The following CYSLTR2 variants were observed in gnomAD, a reference collection of about 807,000 sequenced individuals.
The protein encoded by CYSLTR2 is G-protein coupled receptor GPCR21.
For synonymous variants in CYSLTR2, 179 were observed against 160.8 expected, an observed-to-expected ratio of 1.11 and a Z score of -0.86; for missense variants, 398 against 411.9, an observed-to-expected ratio of 0.97 and a Z score of 0.29.
intron 4 of CYSLTR2, among the ~76,000 whole-genome samples, chr13:48,706,304 C>G (rs1214372190): frequency 6.6e-6 from 1 of 152,168 alleles, no homozygotes. Context: ...CCTAGTCATT[C>G]TTTTAAGATA....
chr13:48,698,240 T>C (rs1301536190), intron 4 of CYSLTR2, among the ~76,000 whole-genome samples: 5 of 151,808 alleles, frequency 3.3e-5, no homozygotes, highest in Non-Finnish European at 7.4e-5. Flanking sequence ...AAAGTTGAAA[T>C]GAAGGAAAAA....
At chr13:48,662,231 C>T (rs2138815118) in intron 1 of CYSLTR2, among the ~76,000 whole-genome samples, 1 of 152,250 alleles carries the variant, frequency 6.6e-6, no homozygotes, top group East Asian at 1.9e-4. Context: ...TGTATATATA[C>T]CACATTTTCT....
intron 2 of CYSLTR2, among the ~76,000 whole-genome samples, chr13:48,692,702 G>A (rs527453174): frequency 6.6e-6 from 1 of 151,158 alleles, no homozygotes; most frequent in South Asian, 2.1e-4. Flanking sequence ...TTTAATCAAA[G>A]TAATCAACCT....
At position 48,653,969 on chromosome 13, in the gene CYSLTR2, G is replaced by A. The variant is rs1386637725; in HGVS notation, c.-314G>A. On this transcript the variant is annotated 5_prime_UTR_variant, in exon 1 of 5. Transcript: ENST00000682523. Reference sequence around the variant, plus strand: ...AATTACTCGGAGGAGAAAGGCAGGAGAGATAGAGGCAGCAGAAGCCAGGGC... The same window carrying A: ...AATTACTCGGAGGAGAAAGGCAGGAAAGATAGAGGCAGCAGAAGCCAGGGC... The A allele has an allele frequency of 1.3e-5, 2 of 152,216 alleles. No individual in the cohort carries two copies. The highest frequency in any genetic ancestry group is 4.8e-5 in the African/African-American group (2 of 41,436). 9.4% of individuals were successfully genotyped at this position (152,216 alleles called of 1,614,324 possible). A position where few individuals can be genotyped will look rare whatever the true frequency, so the allele number is the denominator to read the frequency against.
intron 1 of CYSLTR2, among the ~76,000 whole-genome samples, chr13:48,670,600 T>C (rs1383298814): frequency 1.3e-5 from 2 of 152,214 alleles, no homozygotes; most frequent in African/African-American, 4.8e-5. Context: ...ATGTGTGGTG[T>C]TATTTCTGAG....
intron 1 of CYSLTR2, among the ~76,000 whole-genome samples, chr13:48,676,659 T>A (rs1480070912): frequency 6.6e-6 from 1 of 152,174 alleles, no homozygotes; most frequent in Non-Finnish European, 1.5e-5. Flanking sequence ...TTTGAGGAGA[T>A]GGATAAATTC....
chr13:48,704,126 C>T (rs777761898), intron 4 of CYSLTR2, among the ~76,000 whole-genome samples: 3 of 151,662 alleles, frequency 2.0e-5, no homozygotes, highest in African/African-American at 7.3e-5. Flanking sequence ...ACTTTTTTTT[C>T]GTACCTCTTG....
intron 2 of CYSLTR2, among the ~76,000 whole-genome samples, chr13:48,691,927 T>C (rs1358208536): frequency 6.6e-6 from 1 of 151,998 alleles, no homozygotes; most frequent in Non-Finnish European, 1.5e-5. Context: ...TAATTTTAAA[T>C]TAATTTAAAT....
chr13:48,697,768 G>GA (rs1166579934), intron 4 of CYSLTR2, among the ~76,000 whole-genome samples: 1 of 152,046 alleles, frequency 6.6e-6, no homozygotes, highest in African/African-American at 2.4e-5. Flanking sequence ...TAAAAACCTT[G>GA]AAAAAAGATT....
At chr13:48,695,795 C>T (rs1954169756) in intron 3 of CYSLTR2, among the ~76,000 whole-genome samples, 1 of 152,164 alleles carries the variant, frequency 6.6e-6, no homozygotes, top group South Asian at 2.1e-4. Context: ...ATGCATGTAC[C>T]ACTGTTTAAC....
chr13:48,707,869 G>T lies in CYSLTR2; in HGVS notation c.*11G>T, dbSNP rs1457381212. On this transcript the variant is annotated 3_prime_UTR_variant, in exon 5 of 5. Transcript: ENST00000682523. ...GAAACAAGAGTATAAGGAGCTCTTAGATGAGACCTGTTCTTGTATCCTTGT... is the reference window on the plus strand; with the variant it reads ...GAAACAAGAGTATAAGGAGCTCTTATATGAGACCTGTTCTTGTATCCTTGT... 3.3e-6 allele frequency: 5 copies of T among 1,509,850 alleles called. No homozygotes were observed. Among genetic ancestry groups the T allele is most frequent in the Non-Finnish European group, 4.4e-6 (5 of 1,129,844 alleles). 93.5% of individuals were successfully genotyped at this position (1,509,850 alleles called of 1,614,324 possible).
chr13:48,700,090 A>G (rs1373291247), intron 4 of CYSLTR2, among the ~76,000 whole-genome samples: 1 of 152,236 alleles, frequency 6.6e-6, no homozygotes, highest in East Asian at 1.9e-4. Flanking sequence ...TACCAGAGGT[A>G]CAAAGAGGAG....
At chr13:48,665,916 T>C (rs1953249883) in intron 1 of CYSLTR2, among the ~76,000 whole-genome samples, 1 of 152,172 alleles carries the variant, frequency 6.6e-6, no homozygotes, top group African/African-American at 2.4e-5. Context: ...TTATTGTTTA[T>C]CTTTGCAATT....
In CYSLTR2 at chr13:48,655,285, G is replaced by A. The variant is rs144250604; in HGVS notation, c.-266+1268G>A. On this transcript the variant is annotated intron_variant, in intron 1 of 4. Coordinates refer to ENST00000682523, the MANE Select transcript of CYSLTR2 (RefSeq NM_001308476.3). ...AAAACTCTTCAAGATTAAACACAAG[G>A]TGGGCATTTAATAGCTGGCCAGTTC... 4.3e-3 allele frequency among the ~76,000 whole-genome samples: 660 copies of A among 152,310 alleles called. 3 individuals carry two copies. Among genetic ancestry groups the A allele is most frequent in the Non-Finnish European group, 6.4e-3 (437 of 68,034 alleles).
intron 1 of CYSLTR2, among the ~76,000 whole-genome samples, chr13:48,674,937 G>A (rs1408849139): frequency 6.6e-6 from 1 of 152,190 alleles, no homozygotes; most frequent in Non-Finnish European, 1.5e-5. Context: ...CCGTTTGCCT[G>A]GGTATCACCA....
intron 1 of CYSLTR2, among the ~76,000 whole-genome samples, chr13:48,684,062 G>A (rs1953832004): frequency 6.6e-6 from 1 of 152,038 alleles, no homozygotes; most frequent in African/African-American, 2.4e-5. Flanking sequence ...AGGACTATAG[G>A]TGCACACCAC....
At chr13:48,704,888 T>C (rs1015637550) in intron 4 of CYSLTR2, among the ~76,000 whole-genome samples, 1 of 152,236 alleles carries the variant, frequency 6.6e-6, no homozygotes, top group African/African-American at 2.4e-5. Flanking sequence ...GTATAAGTTT[T>C]GTGAACACAT....
At chr13:48,696,711 C>T (rs1954196405) in intron 4 of CYSLTR2, 85 bp downstream of exon 4, 1 of 152,274 alleles carries the variant, frequency 6.6e-6, no homozygotes, top group African/African-American at 2.4e-5. Flanking sequence ...CCAGGAAGCA[C>T]AAGGGGTCAG....
chr13:48,690,035 C>T (rs1953998632), intron 1 of CYSLTR2, among the ~76,000 whole-genome samples: 1 of 152,082 alleles, frequency 6.6e-6, no homozygotes, highest in Middle Eastern at 3.2e-3. Flanking sequence ...TGGGAGTTCA[C>T]TCATGATTTA....
Sources: gnomAD v4.1 joint callset for allele counts (sites outside exome capture counted in the v4.1 genomes callset) on GRCh38, gnomAD v4.1.1 for gene constraint, MANE v1.5 for transcripts, NCBI Gene and HGNC (gene_info 2026-07-23, HGNC 2026-07-21) for gene names.